PDE1C: variants seen among roughly 807,000 people sequenced by gnomAD.
PDE1C encodes the protein phosphodiesterase 1C.
In PDE1C, 62 loss-of-function variants were observed where a neutral mutation model predicts 93.1. That is an observed-to-expected ratio of 0.67 (90% CI 0.54 to 0.82). The LOEUF is 0.82. Among genes scored for constraint, PDE1C ranks in the 40% least tolerant of loss-of-function variants. PDE1C has a pLI of 0.00. For missense variants in PDE1C, 742 were observed against 884.6 expected (o/e 0.84, Z 2.04); for synonymous variants, 325 against 310.1 (o/e 1.05, Z -0.50).
intron 1 of PDE1C, among the ~76,000 whole-genome samples, chr7:32,362,805 T>C (rs1784159713): frequency 6.6e-6 from 1 of 152,196 alleles, no homozygotes; most frequent in South Asian, 2.1e-4. Context: ...TGCACTCCCC[T>C]GAGCAAACGC....
intron 1 of PDE1C, among the ~76,000 whole-genome samples, chr7:32,290,838 G>A (rs1812286864): frequency 6.6e-6 from 1 of 152,134 alleles, no homozygotes; most frequent in African/African-American, 2.4e-5. Flanking sequence ...CAAAAGTGAA[G>A]CACATGAAAA....
intron 1 of PDE1C, among the ~76,000 whole-genome samples, chr7:32,247,691 T>A (rs1167775811): frequency 6.6e-6 from 1 of 152,232 alleles, no homozygotes; most frequent in Admixed American, 6.5e-5. Flanking sequence ...TAACATGAGA[T>A]ACTCAACACT....
chr7:31,863,568 A>T (rs1289698008), intron 7 of PDE1C, among the ~76,000 whole-genome samples: 1 of 152,164 alleles, frequency 6.6e-6, no homozygotes, highest in Admixed American at 6.5e-5. Context: ...TCCCTTTATA[A>T]TCTTGTTATA....
At chr7:32,366,094 T>C in intron 1 of PDE1C, among the ~76,000 whole-genome samples, 1 of 151,878 alleles carries the variant, frequency 6.6e-6, no homozygotes, top group Non-Finnish European at 1.5e-5. Flanking sequence ...TAAGGAAACA[T>C]ACAAAATGCC....
intron 2 of PDE1C, among the ~76,000 whole-genome samples, chr7:32,023,414 G>A (rs79890766): frequency 5.3e-5 from 8 of 151,912 alleles, no homozygotes; most frequent in Admixed American, 3.3e-4. Flanking sequence ...ATACTTAAGC[G>A]CAAATGAATT....
chr7:31,866,713 A>C (rs1795341200), intron 6 of PDE1C, among the ~76,000 whole-genome samples: 1 of 152,182 alleles, frequency 6.6e-6, no homozygotes, highest in Non-Finnish European at 1.5e-5. Context: ...TCAACAGAGA[A>C]GTAAGAGGAA....
intron 7 of PDE1C, among the ~76,000 whole-genome samples, chr7:31,859,138 A>AC (rs1794374354): frequency 6.7e-6 from 1 of 149,398 alleles, no homozygotes; most frequent in Non-Finnish European, 1.5e-5. Flanking sequence ...TATACTATAT[A>AC]TATAGACTAT....
At chr7:31,978,411 A>T (rs776119844) in intron 2 of PDE1C, among the ~76,000 whole-genome samples, 9 of 152,238 alleles carry the variant, frequency 5.9e-5, no homozygotes, top group Non-Finnish European at 1.3e-4. Flanking sequence ...ATTAAGGCAG[A>T]CCAAATTGGT....
chr7:31,905,850 T>C (rs1271784070), intron 2 of PDE1C, among the ~76,000 whole-genome samples: 4 of 152,244 alleles, frequency 2.6e-5, no homozygotes, highest in South Asian at 4.1e-4. Context: ...CCCCATGCTA[T>C]TGTTCTCATG....
At chr7:31,813,948 G>A (rs1408756829) in intron 15 of PDE1C, among the ~76,000 whole-genome samples, 1 of 151,928 alleles carries the variant, frequency 6.6e-6, no homozygotes, top group Non-Finnish European at 1.5e-5. Flanking sequence ...TAGAATAATG[G>A]TCTCCAATTC....
intron 3 of PDE1C, among the ~76,000 whole-genome samples, chr7:32,091,078 G>T (rs900903651): frequency 6.6e-6 from 1 of 152,174 alleles, no homozygotes; most frequent in Admixed American, 6.5e-5. Context: ...TAACAGCAAG[G>T]ACTGTGCCTT....
rs533358661 is a variant in PDE1C, at chr7:31,784,710, T to A, written c.1892-8978A>T. On this transcript the variant is annotated intron_variant, in intron 16 of 17. Transcript: ENST00000396191. ...GTTGTACAGTGGGCACAAGAGCTGA[T>A]AAAAACCTAACCAAGCTCTACAAAT... is the stretch of plus-strand genomic sequence containing the variant. The A allele has an allele frequency of 3.3e-5, 5 of 152,264 alleles. No individual in the cohort carries two copies. The South Asian group carries it at 1.0e-3, about 32-fold the overall frequency. 9.4% of individuals were successfully genotyped at this position (152,264 alleles called of 1,614,324 possible). A position where few individuals can be genotyped will look rare whatever the true frequency, so the allele number is the denominator to read the frequency against.
At chr7:31,900,762 G>A (rs1422770484) in intron 2 of PDE1C, among the ~76,000 whole-genome samples, 1 of 151,778 alleles carries the variant, frequency 6.6e-6, no homozygotes, top group Admixed American at 6.6e-5. Context: ...TTCTGTTTCA[G>A]AGTGTGGTTT....
At chr7:32,104,083 A>G (rs1435628986) in intron 3 of PDE1C, among the ~76,000 whole-genome samples, 1 of 152,228 alleles carries the variant, frequency 6.6e-6, no homozygotes, top group East Asian at 1.9e-4. Context: ...TGAGTTCCAG[A>G]GGGAGCAAAA....
At chr7:32,411,164 A>G (rs1477170118) in intron 1 of PDE1C, among the ~76,000 whole-genome samples, 1 of 152,260 alleles carries the variant, frequency 6.6e-6, no homozygotes, top group African/African-American at 2.4e-5. Flanking sequence ...CTTTTAACTC[A>G]CATGGTTCAC....
chr7:31,708,432 C>T, the PDE1C span: 3 of 152,158 alleles, frequency 2.0e-5, no homozygotes, highest in African/African-American at 7.2e-5. Context: ...AAGAGCTTGC[C>T]GGAAATAAAG....
intron 3 of PDE1C, among the ~76,000 whole-genome samples, chr7:32,158,671 C>T (rs1385398198): frequency 6.6e-6 from 1 of 152,194 alleles, no homozygotes; most frequent in African/African-American, 2.4e-5. Flanking sequence ...TCATCTCTGT[C>T]ACAGGCCAGG....
chr7:31,714,191 C>T, the PDE1C span, among the ~76,000 whole-genome samples: 1 of 152,160 alleles, frequency 6.6e-6, no homozygotes, highest in Non-Finnish European at 1.5e-5. Context: ...TTTCTTCTGC[C>T]AGATATTGTA....
intron 2 of PDE1C, among the ~76,000 whole-genome samples, chr7:31,881,786 A>G (rs983442659): frequency 2.2e-4 from 33 of 152,190 alleles, no homozygotes; most frequent in African/African-American, 7.7e-4. Context: ...TGAAATTTCT[A>G]AAGTTGACCT....
Sources: allele counts gnomAD v4.1 joint callset (sites outside exome capture counted in the v4.1 genomes callset), GRCh38; gene constraint gnomAD v4.1.1; transcripts MANE v1.5; gene names NCBI Gene and HGNC (gene_info 2026-07-23, HGNC 2026-07-21).